The following BABAM2 variants were observed in gnomAD, a reference collection of about 807,000 sequenced individuals.
BABAM2 encodes BRISC and BRCA1-A complex member 2.
Under a neutral mutation model 54.7 loss-of-function variants are expected in BABAM2, and 31 were observed. The observed-to-expected ratio is 0.57, with a 90% confidence interval of 0.43 to 0.77. The LOEUF (loss-of-function observed/expected upper bound fraction) is 0.77. Ranked by LOEUF, BABAM2 falls within the 30% of genes least tolerant of loss-of-function variation. The pLI is 0.00. For missense variants in BABAM2, 364 were observed against 455.8 expected (o/e 0.80, Z 1.83); for synonymous variants, 167 against 162.9 (o/e 1.03, Z -0.19).
intron 7 of BABAM2, among the ~76,000 whole-genome samples, chr2:28,236,348 TTTTTTTTC>T (rs1412549212): frequency 2.5e-4 from 38 of 152,102 alleles, no homozygotes; most frequent in African/African-American, 8.7e-4. Flanking sequence ...GAATTTCTTT[TTTTTTTTC>T]TTTTTTTCTT....
intron 3 of BABAM2, among the ~76,000 whole-genome samples, chr2:27,986,276 A>G (rs1672391889): frequency 6.6e-6 from 1 of 152,312 alleles, no homozygotes; most frequent in Non-Finnish European, 1.5e-5. Flanking sequence ...ACTGGAGGGC[A>G]GCTAGTATTA....
chr2:28,305,716 C>T (rs1036111089), intron 11 of BABAM2, among the ~76,000 whole-genome samples: 1 of 152,056 alleles, frequency 6.6e-6, no homozygotes, highest in African/African-American at 2.4e-5. Flanking sequence ...TTCTTGTGTT[C>T]ATTTTAGCAA....
chr2:28,161,435 G>A (rs1437187931), intron 7 of BABAM2, among the ~76,000 whole-genome samples: 1 of 152,146 alleles, frequency 6.6e-6, no homozygotes, highest in African/African-American at 2.4e-5. Context: ...TAGGTAGAAA[G>A]TAGAAATTAG....
intron 10 of BABAM2, among the ~76,000 whole-genome samples, chr2:28,282,997 C>CA (rs370484850): frequency 0.76 from 54,623 of 72,044 alleles, 19,475 homozygotes; most frequent in Middle Eastern, 0.81. Flanking sequence ...GACTCCGTCC[C>CA]AAAAAAAAAA....
intron 10 of BABAM2, among the ~76,000 whole-genome samples, chr2:28,268,683 A>G (rs1279947311): frequency 6.6e-6 from 1 of 152,236 alleles, no homozygotes; most frequent in Non-Finnish European, 1.5e-5. Context: ...GTTGACCCAC[A>G]CTGGGGTGGC....
chr2:27,920,806 T>C (rs1459523135), intron 2 of BABAM2, among the ~76,000 whole-genome samples: 2 of 152,172 alleles, frequency 1.3e-5, no homozygotes, highest in Non-Finnish European at 2.9e-5. Context: ...GCTTGAAGAA[T>C]AGAAATGGTC....
chr2:28,157,472 A>T (rs1254844133), intron 7 of BABAM2, among the ~76,000 whole-genome samples: 3 of 152,236 alleles, frequency 2.0e-5, no homozygotes, highest in African/African-American at 7.2e-5. Flanking sequence ...GCTGCTATGG[A>T]TAAACAAGCT....
chr2:27,905,101 A>C (rs957890581), intron 2 of BABAM2, among the ~76,000 whole-genome samples: 1 of 152,238 alleles, frequency 6.6e-6, no homozygotes, highest in African/African-American at 2.4e-5. Context: ...TTGAGGTAGA[A>C]TCAGAAGATA....
At chr2:27,986,477 GA>G (rs1175586410) in intron 3 of BABAM2, among the ~76,000 whole-genome samples, 1 of 152,062 alleles carries the variant, frequency 6.6e-6, no homozygotes, top group Non-Finnish European at 1.5e-5. Context: ...TTAACAGTAG[GA>G]AAAATCCATA....
chr2:27,974,772 A>G (rs1671471301), intron 3 of BABAM2, among the ~76,000 whole-genome samples: 1 of 152,110 alleles, frequency 6.6e-6, no homozygotes, highest in African/African-American at 2.4e-5. Flanking sequence ...AAGAAATAAA[A>G]GGCATATGGA....
intron 10 of BABAM2, among the ~76,000 whole-genome samples, chr2:28,265,959 A>G (rs932102907): frequency 4.6e-5 from 7 of 152,062 alleles, no homozygotes; most frequent in African/African-American, 1.7e-4. Context: ...ATGTAAATAA[A>G]ATAAATATAA....
At chr2:28,064,737 C>T (rs1312622504) in intron 6 of BABAM2, among the ~76,000 whole-genome samples, 2 of 152,170 alleles carry the variant, frequency 1.3e-5, no homozygotes, top group Non-Finnish European at 2.9e-5. Flanking sequence ...TGCGGTGGCT[C>T]ACGCCTGTAA....
At chr2:28,184,263 C>CCTCCCTCTCT (rs1676006277) in intron 7 of BABAM2, among the ~76,000 whole-genome samples, 1 of 59,372 alleles carries the variant, frequency 1.7e-5, no homozygotes, top group African/African-American at 6.4e-5. Flanking sequence ...TCCCTCCCTC[C>CCTCCCTCTCT]CTCTCTCTCT....
At chr2:28,283,301 C>A (rs1490627793) in intron 10 of BABAM2, among the ~76,000 whole-genome samples, 1 of 152,172 alleles carries the variant, frequency 6.6e-6, no homozygotes, top group Admixed American at 6.5e-5. Flanking sequence ...GAGTTGATTT[C>A]TTGGGCTCCT....
intron 10 of BABAM2, among the ~76,000 whole-genome samples, chr2:28,278,182 A>T (rs951216456): frequency 6.6e-6 from 1 of 152,224 alleles, no homozygotes; most frequent in Admixed American, 6.5e-5. Context: ...CACCGTTCAA[A>T]ATATATCCTA....
chr2:27,971,822 C>CT (rs1248449936), intron 3 of BABAM2, among the ~76,000 whole-genome samples: 1 of 151,642 alleles, frequency 6.6e-6, no homozygotes, highest in Non-Finnish European at 1.5e-5. Flanking sequence ...AGCTTACTTT[C>CT]TTTTTTATAG....
chr2:28,224,470 A>T (rs1680690816), intron 7 of BABAM2, among the ~76,000 whole-genome samples: 1 of 152,148 alleles, frequency 6.6e-6, no homozygotes, highest in Non-Finnish European at 1.5e-5. Context: ...TGTCTTTAAA[A>T]TTTTTGCAAA....
intron 7 of BABAM2, among the ~76,000 whole-genome samples, chr2:28,175,942 T>G (rs1479239566): frequency 6.6e-6 from 1 of 152,178 alleles, no homozygotes; most frequent in Non-Finnish European, 1.5e-5. Context: ...CCTAAGCCAC[T>G]GAGAAGATCA....
At chr2:27,972,756 A>G (rs1333680973) in intron 3 of BABAM2, among the ~76,000 whole-genome samples, 1 of 141,898 alleles carries the variant, frequency 7.0e-6, no homozygotes, top group East Asian at 2.1e-4. Context: ...TTAATTTATT[A>G]TTATTTTAAT....
Sources: gnomAD v4.1 joint callset for allele counts (sites outside exome capture counted in the v4.1 genomes callset) on GRCh38, gnomAD v4.1.1 for gene constraint, MANE v1.5 for transcripts, NCBI Gene and HGNC (gene_info 2026-07-23, HGNC 2026-07-21) for gene names.